Variants in UNC79 observed in about 807,000 individuals in gnomAD.
UNC79 encodes protein unc-79 homolog.
In UNC79, 37 loss-of-function variants were observed where a neutral mutation model predicts 283.1. The observed-to-expected ratio is 0.13, with a 90% confidence interval of 0.10 to 0.17. The LOEUF (loss-of-function observed/expected upper bound fraction) is 0.17. Among genes scored for constraint, UNC79 ranks in the 10% least tolerant of loss-of-function variants. The probability of loss-of-function intolerance (pLI) is 1.00; values close to 1 mark genes in which losing one functional copy is unlikely to be tolerated. For missense variants in UNC79, 2,272 were observed against 3,211.1 expected (o/e 0.71, Z 7.07); for synonymous variants, 1,107 against 1,200.2 (o/e 0.92, Z 1.61).
At chr14:93,636,599 A>G (rs2068526244) in intron 31 of UNC79, among the ~76,000 whole-genome samples, 4 of 152,086 alleles carry the variant, frequency 2.6e-5, no homozygotes, top group Admixed American at 2.6e-4. Context: ...CACCAGCTCC[A>G]CCCTGAGAGC....
chr14:93,595,988 T>C (rs140170126), intron 23 of UNC79, among the ~76,000 whole-genome samples: 2 of 152,194 alleles, frequency 1.3e-5, no homozygotes, highest in Non-Finnish European at 2.9e-5. Context: ...AAATTAGATA[T>C]GTGCTAGGTG....
exon 1 of UNC79, chr14:93,333,445 AC>A (rs1440803722): frequency 1.3e-5 from 5 of 398,448 alleles, no homozygotes; most frequent in Non-Finnish European, 2.2e-5. Context: ...TTTCTCGAGA[AC>A]AACTCTTCCG....
At chr14:93,572,911 C>T (rs2141621487) in intron 16 of UNC79, 95 bp downstream of exon 16, 2 of 1,488,342 alleles carry the variant, frequency 1.3e-6, no homozygotes, top group East Asian at 2.3e-5. Context: ...ATAGCAAAGA[C>T]TTCGTAAGTC....
chr14:93,656,542 T>G (rs1026810655), intron 38 of UNC79, among the ~76,000 whole-genome samples: 2 of 152,096 alleles, frequency 1.3e-5, no homozygotes, highest in African/African-American at 4.8e-5. Flanking sequence ...TAGTCCCAGC[T>G]ACTTGGGAGG....
intron 7 of UNC79, among the ~76,000 whole-genome samples, chr14:93,512,378 C>T (rs1349804750): frequency 6.9e-6 from 1 of 145,770 alleles, no homozygotes; most frequent in East Asian, 2.3e-4. Flanking sequence ...GGTTTTTGTA[C>T]TTATTTTGCT....
At chr14:93,594,189 A>G (rs894527689) in intron 23 of UNC79, among the ~76,000 whole-genome samples, 2 of 152,162 alleles carry the variant, frequency 1.3e-5, no homozygotes, top group African/African-American at 4.8e-5. Context: ...ATGTTTGTTA[A>G]AATGCACATT....
chr14:93,658,940 A>G (rs2071248437), intron 38 of UNC79, among the ~76,000 whole-genome samples: 1 of 152,150 alleles, frequency 6.6e-6, no homozygotes, highest in Admixed American at 6.5e-5. Flanking sequence ...TTTTAGGGCT[A>G]TATCTTTGAA....
At chr14:93,512,426 T>C (rs913426217) in intron 7 of UNC79, among the ~76,000 whole-genome samples, 5 of 152,150 alleles carry the variant, frequency 3.3e-5, no homozygotes, top group Admixed American at 3.3e-4. Flanking sequence ...TGGTTTTATG[T>C]TCTTCATCAG....
intron 1 of UNC79, among the ~76,000 whole-genome samples, chr14:93,456,248 G>A (rs1167990358): frequency 6.6e-6 from 1 of 151,964 alleles, no homozygotes; most frequent in Non-Finnish European, 1.5e-5. Flanking sequence ...GATATTAAAG[G>A]ACTTATTTGT....
chr14:93,571,898 G>A lies in UNC79; in HGVS notation c.1760G>A (p.Gly587Asp), dbSNP rs2063225808. 3 of 1,613,812 alleles carry A rather than the reference G, an allele frequency of 1.9e-6. No individual in the cohort carries two copies. The highest frequency in any genetic ancestry group is 2.5e-6 in the Non-Finnish European group (3 of 1,179,798). The change falls in exon 15 of 49, where the codon GGT (glycine) becomes GAT (aspartate). Residue 587 changes from glycine to aspartate, a missense_variant. By Grantham distance (94) the Gly-to-Asp change is moderately conservative. Around this residue, in one of 11 missense-constraint regions of UNC79, gnomAD observed 356 missense variants for 416.2 expected, o/e 0.86. Transcript: ENST00000555664. ...TGGCTATGGAAACCTCTTCAGGTTG[G>A]TGGCTACTGGGATAAGTCCTGTAGC...
intron 27 of UNC79, among the ~76,000 whole-genome samples, chr14:93,614,131 G>A (rs532659237): frequency 6.6e-6 from 1 of 150,980 alleles, no homozygotes; most frequent in South Asian, 2.1e-4. Context: ...CATACAATTT[G>A]CCATTTTAAC....
chr14:93,455,074 C>A (rs536475744), intron 1 of UNC79, among the ~76,000 whole-genome samples: 1 of 152,250 alleles, frequency 6.6e-6, no homozygotes, highest in Non-Finnish European at 1.5e-5. Context: ...CTACCTGGAA[C>A]CAAAACTGGC....
intron 1 of UNC79, among the ~76,000 whole-genome samples, chr14:93,412,198 A>G (rs1167029706): frequency 6.6e-6 from 1 of 152,196 alleles, no homozygotes; most frequent in Non-Finnish European, 1.5e-5. Context: ...AGGAGAAAGA[A>G]TTAGTGGGCT....
chr14:93,600,157 A>G (rs934073630), intron 24 of UNC79, among the ~76,000 whole-genome samples: 4 of 152,214 alleles, frequency 2.6e-5, no homozygotes, highest in Admixed American at 6.5e-5. Context: ...CTGAGATCCC[A>G]TCACTGCACT....
chr14:93,542,384 A>ATTTTTT, intron 13 of UNC79, 82 bp from the exon 14 acceptor site: 2 of 1,353,892 alleles, frequency 1.5e-6, no homozygotes, highest in Non-Finnish European at 1.0e-6. Flanking sequence ...TTTTATTTTT[A>ATTTTTT]TTTTTTGCCT....
rs564770986 is a variant in UNC79 at position 93,467,715 on chromosome 14, C to A, written c.67C>A (p.Leu23Ile). 5.8e-5 allele frequency: 77 copies of A among 1,328,722 alleles called. No homozygotes were observed. In the South Asian group the frequency reaches 1.0e-3, roughly 17 times the overall value. 82.3% of individuals were successfully genotyped at this position (1,328,722 alleles called of 1,614,324 possible). A position where few individuals can be genotyped will look rare whatever the true frequency, so the allele number is the denominator to read the frequency against. The change falls in exon 2 of 49, where the codon CTC (leucine) becomes ATC (isoleucine). Residue 23 changes from leucine to isoleucine, a missense_variant. Physicochemically the swap from Leu to Ile is conservative, Grantham distance 5 (BLOSUM62 2). Around this residue, in one of 11 missense-constraint regions of UNC79, gnomAD observed 194 missense variants for 268.9 expected, o/e 0.72. Coordinates refer to ENST00000555664, the Ensembl canonical transcript of UNC79. Reference sequence around the variant, plus strand: ...CTTGCAGGAATATCATAACCGGGTTCTCCACAACATTTATCCTGTACCATC... The same window carrying A: ...CTTGCAGGAATATCATAACCGGGTTATCCACAACATTTATCCTGTACCATC...
chr14:93,643,022 A>T (rs1377843495), intron 33 of UNC79, among the ~76,000 whole-genome samples: 1 of 152,162 alleles, frequency 6.6e-6, no homozygotes, highest in Non-Finnish European at 1.5e-5. Flanking sequence ...CATAAAACTC[A>T]TCTGAGTGAG....
At chr14:93,461,372 ATGAC>A (rs1265410981) in intron 1 of UNC79, among the ~76,000 whole-genome samples, 2 of 152,242 alleles carry the variant, frequency 1.3e-5, no homozygotes, top group Admixed American at 1.3e-4. Flanking sequence ...TTTTTAGTCT[ATGAC>A]TGAATTTTGC....
chr14:93,458,070 A>C lies in UNC79; in HGVS notation c.23-9601A>C, dbSNP rs185261069. 1.1e-3 allele frequency among the ~76,000 whole-genome samples: 168 copies of C among 152,356 alleles called. 1 individual carries two copies. Among genetic ancestry groups the C allele is most frequent in the Non-Finnish European group, 2.6e-4 (18 of 68,038 alleles). ...CAACGCACATTTGTGAAATATGTCC[A>C]AATCCTCTTTATGTATGTCTAACAT... is the stretch of plus-strand genomic sequence containing the variant. On this transcript the variant is annotated intron_variant, in intron 1 of 48. Transcript: ENST00000555664.
Sources: allele counts gnomAD v4.1 joint callset (sites outside exome capture counted in the v4.1 genomes callset), GRCh38; gene constraint gnomAD v4.1.1; regional missense constraint gnomAD v4.1.1; transcripts MANE v1.5; gene names NCBI Gene and HGNC (gene_info 2026-07-23, HGNC 2026-07-21).